HSD17B14: variants seen among roughly 807,000 people sequenced by gnomAD.
The protein encoded by HSD17B14 is L-fucose dehydrogenase.
A neutral mutation model predicts 32.2 loss-of-function variants in HSD17B14; 32 were observed. That is an observed-to-expected ratio of 0.99 (90% CI 0.75 to 1.33). HSD17B14 has a LOEUF of 1.33. HSD17B14 is among the 40% of genes most tolerant of loss of function. HSD17B14 has a pLI of 0.00. For synonymous variants in HSD17B14, 140 were observed against 155.4 expected (o/e 0.90, Z 0.74); for missense variants, 370 against 366.5 (o/e 1.01, Z -0.08).
At position 48,829,635 on chromosome 19, in the gene HSD17B14, C is replaced by CTTTTTTTT. The variant is rs34096239; in HGVS notation, c.369+2025_369+2032dup. Among the ~76,000 whole-genome samples, 47 of 76,084 alleles carry CTTTTTTTT rather than the reference C, an allele frequency of 6.2e-4. 3 individuals carry two copies. Among genetic ancestry groups the CTTTTTTTT allele is most frequent in the African/African-American group, 1.4e-3 (24 of 16,786 alleles). The allele number at this position is 76,084 out of a possible 152,430, so 49.9% of individuals were successfully genotyped here. On this transcript the variant is annotated intron_variant, in intron 5 of 8. Transcript: ENST00000263278. ...TACAGGCATGAGCTACCAGGCCTGG[C>CTTTTTTTT]TTTTTTTTTTTTTTTTTTTTTTGTG...
At position 48,824,925 on chromosome 19, in the gene HSD17B14, C is replaced by T. The variant is rs1426432693; in HGVS notation, c.369+6743G>A. On this transcript the variant is annotated intron_variant, in intron 5 of 8. Transcript: ENST00000263278. ...ATTCTAATACACTGGTGGTATGGTACGCATGAAGTTCCTACTGATAAAATT... is the reference window on the plus strand; with the variant it reads ...ATTCTAATACACTGGTGGTATGGTATGCATGAAGTTCCTACTGATAAAATT... Among the ~76,000 whole-genome samples the T allele has an allele frequency of 6.6e-5, 10 of 152,068 alleles. No individual in the cohort carries two copies. In the East Asian group the frequency reaches 1.7e-3, roughly 27 times the overall value.
intron 5 of HSD17B14, among the ~76,000 whole-genome samples, chr19:48,824,831 A>G (rs2035217982): frequency 6.6e-6 from 1 of 152,162 alleles, no homozygotes; most frequent in Non-Finnish European, 1.5e-5. Context: ...TTCAGTACAC[A>G]TGAATTATCT....
At position 48,833,859 on chromosome 19, in the gene HSD17B14, G is replaced by A. The variant is rs180936907; in HGVS notation, c.210+417C>T. 2.8e-3 allele frequency among the ~76,000 whole-genome samples: 417 copies of A among 148,182 alleles called. 1 individual carries two copies. Among genetic ancestry groups the A allele is most frequent in the Non-Finnish European group, 4.2e-3 (280 of 66,856 alleles). On this transcript the variant is annotated intron_variant, in intron 3 of 8. Coordinates refer to ENST00000263278, the MANE Select transcript of HSD17B14 (RefSeq NM_016246.3). ...AAAAAAATTAGCCGGGCATGGTGGC[G>A]CACACCTGTAATCCCAGCTACTCGG...
At chr19:48,821,044 ACT>A (rs1350416570) in intron 5 of HSD17B14, among the ~76,000 whole-genome samples, 1 of 120,576 alleles carries the variant, frequency 8.3e-6, no homozygotes, top group Non-Finnish European at 1.7e-5. Flanking sequence ...ACAGAGTCTC[ACT>A]CTGTCACCCA....
At chr19:48,824,636 C>T (rs952257885) in intron 5 of HSD17B14, among the ~76,000 whole-genome samples, 1 of 149,318 alleles carries the variant, frequency 6.7e-6, no homozygotes. Context: ...TGTAGTGGTG[C>T]GTGCCTGTAA....
At chr19:48,821,115 CT>C (rs748532236) in intron 5 of HSD17B14, among the ~76,000 whole-genome samples, 14 of 151,454 alleles carry the variant, frequency 9.2e-5, no homozygotes, top group Non-Finnish European at 1.6e-4. Flanking sequence ...CAGGTTCACT[CT>C]ATTCTCCCAT....
intron 5 of HSD17B14, among the ~76,000 whole-genome samples, chr19:48,822,034 A>T (rs974891305): frequency 6.6e-6 from 1 of 151,240 alleles, no homozygotes; most frequent in Non-Finnish European, 1.5e-5. Context: ...GATGGTGGTG[A>T]TGGTGATGAT....
chr19:48,817,544 G>T (rs1277420303), intron 5 of HSD17B14, among the ~76,000 whole-genome samples: 1 of 152,046 alleles, frequency 6.6e-6, no homozygotes, highest in African/African-American at 2.4e-5. Context: ...CCCTCTTTCA[G>T]ATGTCTTTTC....
rs749619325 is a variant in HSD17B14, at chr19:48,817,760, T to TGGA, written c.370-2622_370-2620dup. On this transcript the variant is annotated intron_variant, in intron 5 of 8. Transcript: ENST00000263278. ...ATGAATGGGTGAATTAATGAATGAA[T>TGGA]GGAGGACCTGGTATGTGTCCAGCCC... Among the ~76,000 whole-genome samples the TGGA allele has an allele frequency of 7.9e-5, 12 of 152,328 alleles. No homozygotes were observed. The East Asian group carries it at 9.6e-4, about 12-fold the overall frequency.
rs375723895 is a variant in HSD17B14, at chr19:48,836,217, C to T, written c.88+107G>A. On this transcript the variant is annotated intron_variant, in intron 1 of 8. Transcript: ENST00000263278. ...GCCTGCAAATTGGCTTTTATAATAT[C>T]AGAATCCTGGCTGCAGTACTGGAGT... 56 of 1,170,246 alleles carry T rather than the reference C, an allele frequency of 4.8e-5. No homozygotes were observed. The East Asian group carries it at 7.8e-4, about 16-fold the overall frequency. 72.5% of individuals were successfully genotyped at this position (1,170,246 alleles called of 1,614,324 possible).
chr19:48,820,215 T>A (rs1272885177), intron 5 of HSD17B14, among the ~76,000 whole-genome samples: 2 of 152,138 alleles, frequency 1.3e-5, no homozygotes, highest in Non-Finnish European at 1.5e-5. Flanking sequence ...GGCTCCCGCC[T>A]GTAATCCCAG....
chr19:48,834,450 CTGGGGG>C (rs2035421352), intron 2 of HSD17B14, 92 bp from the exon 3 acceptor site: 10 of 647,244 alleles, frequency 1.5e-5, no homozygotes, highest in South Asian at 3.9e-5. Flanking sequence ...GGAGGAGGTG[CTGGGGG>C]CCTGGACTCC....
At chr19:48,813,930 T>C (rs1254069696) in intron 6 of HSD17B14, among the ~76,000 whole-genome samples, 200 bp from the exon 7 acceptor site, 1 of 152,198 alleles carries the variant, frequency 6.6e-6, no homozygotes, top group Non-Finnish European at 1.5e-5. Flanking sequence ...GTGCAGTGGC[T>C]CACACCTGTA....
intron 5 of HSD17B14, among the ~76,000 whole-genome samples, chr19:48,823,884 G>A (rs540824796): frequency 2.7e-4 from 40 of 148,588 alleles, no homozygotes; most frequent in African/African-American, 8.6e-4. Context: ...CAGGCAATCC[G>A]CCCGCCTAGG....
chr19:48,832,577 A>G, intron 4 of HSD17B14, 89 bp downstream of exon 4: 1 of 1,134,518 alleles, frequency 8.8e-7, no homozygotes, highest in South Asian at 1.3e-5. Flanking sequence ...GGATGAGGGA[A>G]TCAGGGGCAG....
intron 3 of HSD17B14, 78 bp downstream of exon 3, chr19:48,834,198 G>C: frequency 8.6e-7 from 1 of 1,159,752 alleles, no homozygotes; most frequent in Non-Finnish European, 1.3e-6. Context: ...TAGAGGGAAA[G>C]GCATATGCAA....
At chr19:48,824,076 G>A (rs890020821) in intron 5 of HSD17B14, among the ~76,000 whole-genome samples, 2 of 146,358 alleles carry the variant, frequency 1.4e-5, no homozygotes, top group African/African-American at 5.0e-5. Flanking sequence ...CCAACATGGT[G>A]AAACCCTGTC....
rs2035342352 is a variant in HSD17B14, at chr19:48,831,860, A to T, written c.278-101T>A. On this transcript the variant is annotated intron_variant, in intron 4 of 8. Transcript: ENST00000263278. ...TTTGGGAGGCTGAGGCAGGCGGATC[A>T]TGAGGTCAGGAGTTCAAGACCAACC... The T allele has an allele frequency of 2.1e-5, 15 of 704,322 alleles. No individual in the cohort carries two copies. The South Asian group carries it at 2.2e-4, about 10-fold the overall frequency. The allele number at this position is 704,322 out of a possible 1,614,324, so 43.6% of individuals were successfully genotyped here. A position where few individuals can be genotyped will look rare whatever the true frequency, so the allele number is the denominator to read the frequency against.
chr19:48,816,132 C>T (rs565460868), intron 5 of HSD17B14, among the ~76,000 whole-genome samples: 3 of 151,968 alleles, frequency 2.0e-5, no homozygotes, highest in East Asian at 1.9e-4. Flanking sequence ...TGTGTGTGTG[C>T]GTGTGTGTTC....
Sources: allele counts gnomAD v4.1 joint callset (sites outside exome capture counted in the v4.1 genomes callset), GRCh38; gene constraint gnomAD v4.1.1; transcripts MANE v1.5; gene names NCBI Gene and HGNC (gene_info 2026-07-23, HGNC 2026-07-21).